The following NALF1 variants were observed in gnomAD, a reference collection of about 807,000 sequenced individuals.
NALF1 encodes family with sequence similarity 155 member A.
NALF1 carries 3 observed loss-of-function variants against 48.4 expected under a neutral mutation model. That is an observed-to-expected ratio of 0.06 (90% CI 0.03 to 0.16). The LOEUF (loss-of-function observed/expected upper bound fraction) is 0.16, where lower values mean the gene tolerates loss of function less well. Among genes scored for constraint, NALF1 ranks in the 10% least tolerant of loss-of-function variants. NALF1 has a pLI of 1.00. For synonymous variants in NALF1, 262 were observed against 245.7 expected, an observed-to-expected ratio of 1.07 and a Z score of -0.62; for missense variants, 526 against 571.5, an observed-to-expected ratio of 0.92 and a Z score of 0.81.
intron 1 of NALF1, among the ~76,000 whole-genome samples, chr13:107,575,939 G>A (rs1878128604): frequency 6.6e-6 from 1 of 150,486 alleles, no homozygotes; most frequent in South Asian, 2.2e-4. Context: ...GTGTGCATGT[G>A]TGTGTATGTG....
At chr13:107,433,085 G>C (rs1258212670) in intron 1 of NALF1, among the ~76,000 whole-genome samples, 3 of 151,902 alleles carry the variant, frequency 2.0e-5, no homozygotes, top group Admixed American at 2.0e-4. Flanking sequence ...CCAGAAATTT[G>C]ACTATTATCT....
chr13:107,257,272 T>A (rs1359875993), intron 1 of NALF1, among the ~76,000 whole-genome samples: 34 of 152,158 alleles, frequency 2.2e-4, no homozygotes, highest in Non-Finnish European at 2.9e-5. Context: ...ACCATGTTAG[T>A]TGTTAACCAT....
chr13:107,401,524 C>A (rs2138991791), intron 1 of NALF1, among the ~76,000 whole-genome samples: 1 of 152,230 alleles, frequency 6.6e-6, no homozygotes, highest in Non-Finnish European at 1.5e-5. Flanking sequence ...ACAACAAATA[C>A]TGGAGATAAA....
intron 1 of NALF1, among the ~76,000 whole-genome samples, chr13:107,558,594 C>A (rs1456283273): frequency 1.3e-5 from 2 of 152,090 alleles, no homozygotes; most frequent in Admixed American, 1.3e-4. Context: ...ATGGCTTGAA[C>A]TGGAATTTGG....
At chr13:107,849,812 A>T (rs1211586650) in intron 1 of NALF1, among the ~76,000 whole-genome samples, 1 of 152,170 alleles carries the variant, frequency 6.6e-6, no homozygotes, top group Non-Finnish European at 1.5e-5. Context: ...GCAAGTGATT[A>T]GACAAAAATA....
At chr13:107,769,680 T>TA (rs1204567923) in intron 1 of NALF1, among the ~76,000 whole-genome samples, 1 of 65,902 alleles carries the variant, frequency 1.5e-5, no homozygotes, top group African/African-American at 4.5e-5. Flanking sequence ...CCCTAAAACT[T>TA]AAAGTATAAT....
At chr13:107,837,053 C>A (rs78688794) in intron 1 of NALF1, among the ~76,000 whole-genome samples, 2 of 152,036 alleles carry the variant, frequency 1.3e-5, no homozygotes, top group Non-Finnish European at 2.9e-5. Flanking sequence ...TTTTCTGCTA[C>A]GATCTCTTTA....
intron 1 of NALF1, among the ~76,000 whole-genome samples, chr13:107,556,275 A>ATC (rs1877473589): frequency 5.6e-5 from 1 of 17,986 alleles, no homozygotes; most frequent in African/African-American, 1.1e-4. Flanking sequence ...CTCTCAACAT[A>ATC]TATATATATA....
chr13:107,223,686 C>A (rs114220913), intron 1 of NALF1, among the ~76,000 whole-genome samples: 1 of 152,190 alleles, frequency 6.6e-6, no homozygotes, highest in Non-Finnish European at 1.5e-5. Flanking sequence ...GTTCCATTGA[C>A]TTGCTGCGGT....
At chr13:107,565,476 T>C (rs1345504354) in intron 1 of NALF1, among the ~76,000 whole-genome samples, 1 of 151,730 alleles carries the variant, frequency 6.6e-6, no homozygotes, top group Non-Finnish European at 1.5e-5. Context: ...AAAGCAATGT[T>C]CTAATAAAAA....
At chr13:107,330,497 TTAAAG>T (rs1241294652) in intron 1 of NALF1, among the ~76,000 whole-genome samples, 9 of 152,204 alleles carry the variant, frequency 5.9e-5, no homozygotes, top group African/African-American at 1.2e-4. Context: ...TTGGTAGCTA[TTAAAG>T]TAGTTTATAT....
chr13:107,738,954 G>A (rs758043443), intron 1 of NALF1, among the ~76,000 whole-genome samples: 1 of 152,062 alleles, frequency 6.6e-6, no homozygotes, highest in African/African-American at 2.4e-5. Flanking sequence ...GAGCCACCTC[G>A]CCCAGCTGAG....
chr13:107,417,222 C>A (rs9514678), intron 1 of NALF1, among the ~76,000 whole-genome samples: 33,085 of 152,106 alleles, frequency 0.22, 4,085 homozygotes, highest in Middle Eastern at 0.28. Flanking sequence ...ATTCTGAGCA[C>A]CCTGTTTTAT....
At chr13:107,368,390 C>G (rs1364375864) in intron 1 of NALF1, among the ~76,000 whole-genome samples, 1 of 151,404 alleles carries the variant, frequency 6.6e-6, no homozygotes, top group Non-Finnish European at 1.5e-5. Flanking sequence ...AATCTCGGCT[C>G]ACTAAAACCT....
rs200587218 is a variant in NALF1, at chr13:107,713,171, T to C, written c.915+152511A>G. On this transcript the variant is annotated intron_variant, in intron 1 of 2. Coordinates refer to ENST00000375915, the MANE Select transcript of NALF1 (RefSeq NM_001080396.3). Reference sequence around the variant, plus strand: ...CGGAAGTAGCTCTCTTAAATGGATCTTTTAGTTTAATTATGTTCTTCTAAG... The same window carrying C: ...CGGAAGTAGCTCTCTTAAATGGATCCTTTAGTTTAATTATGTTCTTCTAAG... Among the ~76,000 whole-genome samples, 15 of 152,340 alleles carry C rather than the reference T, an allele frequency of 9.8e-5. No homozygotes were observed. The East Asian group carries it at 2.1e-3, about 22-fold the overall frequency.
intron 1 of NALF1, among the ~76,000 whole-genome samples, chr13:107,482,937 C>T (rs2139062602): frequency 6.6e-6 from 1 of 152,274 alleles, no homozygotes; most frequent in Admixed American, 6.5e-5. Flanking sequence ...TGTAACTCTC[C>T]CAGAGAGGCC....
chr13:107,358,870 C>T (rs1227406978), intron 1 of NALF1, among the ~76,000 whole-genome samples: 2 of 152,102 alleles, frequency 1.3e-5, no homozygotes, highest in African/African-American at 2.4e-5. Flanking sequence ...GGAATGGTTC[C>T]TATTGGCAGC....
chr13:107,666,072 C>A (rs1566436062), intron 1 of NALF1, among the ~76,000 whole-genome samples: 1 of 152,116 alleles, frequency 6.6e-6, no homozygotes, highest in Non-Finnish European at 1.5e-5. Flanking sequence ...AAAACTCTTG[C>A]AAAATTGCCC....
intron 1 of NALF1, among the ~76,000 whole-genome samples, chr13:107,731,137 A>G (rs1876297737): frequency 6.6e-6 from 1 of 152,168 alleles, no homozygotes; most frequent in Non-Finnish European, 1.5e-5. Context: ...TTAGGCAGCT[A>G]GTATGCTGAT....
Sources: allele counts gnomAD v4.1 joint callset (sites outside exome capture counted in the v4.1 genomes callset), GRCh38; gene constraint gnomAD v4.1.1; transcripts MANE v1.5; gene names NCBI Gene and HGNC (gene_info 2026-07-23, HGNC 2026-07-21).